The following SOX5 variants were observed in gnomAD, a reference collection of about 807,000 sequenced individuals.
SOX5 encodes transcription factor SOX-5.
SOX5 carries 9 observed loss-of-function variants against 92.0 expected under a neutral mutation model. That is an observed-to-expected ratio of 0.10 (90% confidence interval 0.06 to 0.17). SOX5 has a LOEUF of 0.17. Ranked by LOEUF, SOX5 falls within the 10% of genes least tolerant of loss-of-function variation. The pLI is 1.00. For synonymous variants in SOX5, 344 were observed against 336.3 expected (o/e 1.02, Z -0.25); for missense variants, 642 against 944.5 (o/e 0.68, Z 4.20).
At chr12:24,391,444 CTTCT>C (rs1478540719) in intron 1 of SOX5, among the ~76,000 whole-genome samples, 2 of 152,112 alleles carry the variant, frequency 1.3e-5, no homozygotes, top group African/African-American at 2.4e-5. Context: ...CTTTCTTCAA[CTTCT>C]TTCATAGAAG....
chr12:24,342,819 A>C (rs1199199380), intron 2 of SOX5, among the ~76,000 whole-genome samples: 1 of 152,214 alleles, frequency 6.6e-6, no homozygotes, highest in Non-Finnish European at 1.5e-5. Flanking sequence ...TATTTAAGAG[A>C]TCCCAGGAGC....
chr12:23,871,032 GA>G (rs1342624827), intron 2 of SOX5, among the ~76,000 whole-genome samples: 1 of 151,994 alleles, frequency 6.6e-6, no homozygotes, highest in African/African-American at 2.4e-5. Context: ...TAGATGAAAG[GA>G]CTACTATCTT....
chr12:23,613,738 T>C (rs1372953953), intron 8 of SOX5, among the ~76,000 whole-genome samples: 1 of 152,222 alleles, frequency 6.6e-6, no homozygotes, highest in Non-Finnish European at 1.5e-5. Context: ...AAAGGTATTA[T>C]GCTATGCTAA....
chr12:24,442,476 TA>T (rs778716541), intron 1 of SOX5, among the ~76,000 whole-genome samples: 79 of 151,908 alleles, frequency 5.2e-4, no homozygotes, highest in Non-Finnish European at 9.9e-4. Context: ...AAGAGAAAAA[TA>T]AAGCAAAGAA....
chr12:24,458,120 T>C (rs1415665416), intron 1 of SOX5, among the ~76,000 whole-genome samples: 1 of 152,200 alleles, frequency 6.6e-6, no homozygotes, highest in Non-Finnish European at 1.5e-5. Context: ...AAAATGCATG[T>C]TCTGATTCAG....
intron 3 of SOX5, among the ~76,000 whole-genome samples, chr12:23,762,139 G>A (rs2094577856): frequency 6.6e-6 from 1 of 152,056 alleles, no homozygotes; most frequent in Non-Finnish European, 1.5e-5. Flanking sequence ...TACATATCTG[G>A]AAAGCTATTT....
chr12:23,550,823 G>T (rs997471049), intron 11 of SOX5, among the ~76,000 whole-genome samples: 1 of 151,770 alleles, frequency 6.6e-6, no homozygotes, highest in Admixed American at 6.6e-5. Flanking sequence ...TTTTGCAAAG[G>T]TTCTAATAGG....
chr12:24,145,302 A>C (rs557463598), intron 4 of SOX5, among the ~76,000 whole-genome samples: 17 of 152,306 alleles, frequency 1.1e-4, no homozygotes, highest in African/African-American at 4.1e-4. Context: ...GACAAATAGA[A>C]AACAAATGCA....
chr12:24,387,481 T>C (rs1958542762), intron 1 of SOX5, among the ~76,000 whole-genome samples: 1 of 152,132 alleles, frequency 6.6e-6, no homozygotes, highest in Non-Finnish European at 1.5e-5. Flanking sequence ...CTGCTGTAGA[T>C]CCTGTCTCTG....
intron 4 of SOX5, among the ~76,000 whole-genome samples, chr12:24,136,951 C>G (rs1950160195): frequency 6.6e-6 from 1 of 152,174 alleles, no homozygotes; most frequent in Non-Finnish European, 1.5e-5. Flanking sequence ...TAGACCTGTT[C>G]TCACCCAAAA....
chr12:23,622,042 A>C (rs1300957172), intron 8 of SOX5, among the ~76,000 whole-genome samples: 1 of 152,252 alleles, frequency 6.6e-6, no homozygotes, highest in East Asian at 1.9e-4. Context: ...CAGCCTTGCT[A>C]AATGGAGGCC....
chr12:23,717,757 GAGTACTAATAA>G (rs771773998), intron 6 of SOX5, among the ~76,000 whole-genome samples: 1 of 152,198 alleles, frequency 6.6e-6, no homozygotes, highest in Non-Finnish European at 1.5e-5. Flanking sequence ...GAGAAGGGAT[GAGTACTAATAA>G]AGTAAATACA....
chr12:23,552,750 G>A (rs536199601), intron 11 of SOX5, among the ~76,000 whole-genome samples: 160 of 152,006 alleles, frequency 1.1e-3, no homozygotes, highest in Middle Eastern at 0.01. Flanking sequence ...GATGGAAGAA[G>A]TTTCCACCTT....
rs200030119 is a variant in SOX5 at position 24,058,313 on chromosome 12, TA to T, written c.-2+155029del. On this transcript the variant is annotated intron_variant, in intron 4 of 4. Transcript: ENST00000446891. ...CACAATATTTTTTGTAGTTGTAGTT[TA>T]AAAAAAAAATTCTCTTTCACACAAT... Among the ~76,000 whole-genome samples, 184 of 151,352 alleles carry T rather than the reference TA, an allele frequency of 1.2e-3. 1 individual carries two copies. The highest frequency in any genetic ancestry group is 3.9e-3 in the African/African-American group (160 of 41,322).
intron 4 of SOX5, among the ~76,000 whole-genome samples, chr12:24,075,508 T>C: frequency 6.6e-6 from 1 of 152,138 alleles, no homozygotes; most frequent in Non-Finnish European, 1.5e-5. Context: ...GTTCTAATGA[T>C]AGTCACTGTA....
intron 4 of SOX5, among the ~76,000 whole-genome samples, chr12:24,001,528 A>C (rs537625905): frequency 3.3e-5 from 5 of 152,298 alleles, no homozygotes; most frequent in Non-Finnish European, 7.4e-5. Context: ...CACAGAGAAA[A>C]TTAGAAAACA....
intron 4 of SOX5, among the ~76,000 whole-genome samples, chr12:24,198,944 G>A (rs1290888743): frequency 6.6e-6 from 1 of 152,232 alleles, no homozygotes; most frequent in Non-Finnish European, 1.5e-5. Context: ...GCTCCAGTGA[G>A]ACGGCAGCCT....
At chr12:24,127,952 C>T (rs979987624) in intron 4 of SOX5, among the ~76,000 whole-genome samples, 1 of 152,150 alleles carries the variant, frequency 6.6e-6, no homozygotes, top group African/African-American at 2.4e-5. Flanking sequence ...CGGGCAGATA[C>T]CTAGCACAGC....
chr12:24,357,291 A>G (rs1954958641), intron 2 of SOX5: 1 of 152,130 alleles, frequency 6.6e-6, no homozygotes, highest in East Asian at 1.9e-4. Flanking sequence ...AGACTTTAGG[A>G]CCTCTTCCTT....
Sources: allele counts gnomAD v4.1 joint callset (sites outside exome capture counted in the v4.1 genomes callset), GRCh38; gene constraint gnomAD v4.1.1; transcripts MANE v1.5; gene names NCBI Gene and HGNC (gene_info 2026-07-23, HGNC 2026-07-21).